SPEN: variants seen among roughly 807,000 people sequenced by gnomAD.
The protein encoded by SPEN is msx2-interacting protein.
SPEN carries 18 observed loss-of-function variants against 269.9 expected under a neutral mutation model. That is an observed-to-expected ratio of 0.07 (90% CI 0.05 to 0.10). SPEN has a LOEUF of 0.10. Ranked by LOEUF, SPEN falls within the 10% of genes least tolerant of loss-of-function variation. The pLI is 1.00. For missense variants in SPEN, 3,822 were observed against 4,631.2 expected (o/e 0.83, Z 5.07); for synonymous variants, 1,726 against 1,765.7 (o/e 0.98, Z 0.56).
chr1:15,934,167 G>C lies in SPEN; in HGVS notation c.7927G>C (p.Ala2643Pro). The C allele has an allele frequency of 6.2e-7, 1 of 1,614,220 alleles. No homozygotes were observed. Among genetic ancestry groups the C allele is most frequent in the Non-Finnish European group, 8.5e-7 (1 of 1,180,042 alleles). ...ACAGAAGATAACCTTGGCAAAACCA[G>C]CTCCTCAAACCCTCACTGGTCTGGT... ...NSQKITLAKP[A>P]PQTLTGLVSA... The change falls in exon 11 of 15, where the codon GCT becomes CCT. Residue 2643 changes from alanine to proline, a missense_variant. By Grantham distance (27) the Ala-to-Pro change is conservative. Around this residue, in one of 16 missense-constraint regions of SPEN, gnomAD observed 329 missense variants for 431.2 expected, o/e 0.76. Coordinates refer to ENST00000375759, the MANE Select transcript of SPEN (RefSeq NM_015001.3). This position sits in a 1 kb window ranked among gnomAD's most constrained non-coding sequence, Gnocchi z 9.2.
chr1:15,847,922 G>A lies in SPEN; in HGVS notation c.-146G>A, dbSNP rs2070288748. 5.9e-6 allele frequency: 2 copies of A among 339,282 alleles called. No homozygotes were observed. Among genetic ancestry groups the A allele is most frequent in the Non-Finnish European group, 5.3e-6 (1 of 188,490 alleles). The allele number at this position is 339,282 out of a possible 1,614,324, so 21.0% of individuals were successfully genotyped here. A position where few individuals can be genotyped will look rare whatever the true frequency, so the allele number is the denominator to read the frequency against. Reference sequence around the variant, plus strand: ...GAGAGGGATGGTCTCTGCACGGGGGGGAGCCGGAGGAGCCGCCGCCGCTGC... The same window carrying A: ...GAGAGGGATGGTCTCTGCACGGGGGAGAGCCGGAGGAGCCGCCGCCGCTGC... On this transcript the variant is annotated 5_prime_UTR_variant, in exon 1 of 15. Coordinates refer to ENST00000375759, the MANE Select transcript of SPEN (RefSeq NM_015001.3).
rs144493499 is a variant in SPEN, at chr1:15,932,713, C to T, written c.6473C>T (p.Pro2158Leu). 128 of 1,614,112 alleles carry T rather than the reference C, an allele frequency of 7.9e-5. No homozygotes were observed. Among genetic ancestry groups the T allele is most frequent in the Non-Finnish European group, 1.0e-4 (118 of 1,180,026 alleles). Residue 2158 changes from proline to leucine, a missense_variant, in exon 11 of 15, where the codon CCG becomes CTG. By Grantham distance (98) the Pro-to-Leu change is moderately conservative. This residue lies in a region of SPEN where 727 missense variants were observed against 737.9 expected (regional missense o/e 0.99). Transcript: ENST00000375759. This position sits in a 1 kb window ranked among gnomAD's most constrained non-coding sequence, Gnocchi z 4.2. ...AAAGAAGACGTGTCTGCCTCTGGGC[C>T]GTCCCCAGAAGCCACCCAGTTAGCC... ...PEKEDVSASG[P>L]SPEATQLAKQ...
intron 2 of SPEN, 163 bp downstream of exon 2, chr1:15,873,299 T>G: frequency 1.0e-6 from 1 of 985,436 alleles, no homozygotes; most frequent in Admixed American, 6.1e-5. Flanking sequence ...GGCTGGTATC[T>G]TATGGAATCG....
intron 1 of SPEN, among the ~76,000 whole-genome samples, chr1:15,865,017 G>C (rs1188528373): frequency 6.6e-6 from 1 of 151,856 alleles, no homozygotes; most frequent in Non-Finnish European, 1.5e-5. Flanking sequence ...AAGATTTTGA[G>C]TGAAATTGAG....
chr1:15,883,525 A>G (rs988179118), intron 3 of SPEN, among the ~76,000 whole-genome samples: 1 of 150,122 alleles, frequency 6.7e-6, no homozygotes, highest in African/African-American at 2.4e-5. Context: ...GGGTGGAGCA[A>G]CTCTCACGCC....
At position 15,939,511 on chromosome 1, in the gene SPEN, A is replaced by T. The variant is rs2071315135; in HGVS notation, c.*84A>T. The stretch of plus-strand genomic sequence containing the variant: ...GACAACCCAGCCAAGCAGAGGAAGA[A>T]GCTGCCGAAGGGGACAGACTCCACT... On this transcript the variant is annotated 3_prime_UTR_variant, in exon 15 of 15. Coordinates refer to ENST00000375759, the MANE Select transcript of SPEN (RefSeq NM_015001.3). This position sits in a 1 kb window ranked among gnomAD's most constrained non-coding sequence, Gnocchi z 4.1. 3.5e-6 allele frequency: 5 copies of T among 1,438,892 alleles called. No individual in the cohort carries two copies. The highest frequency in any genetic ancestry group is 2.7e-5 in the East Asian group (1 of 37,378). The allele number at this position is 1,438,892 out of a possible 1,614,324, so 89.1% of individuals were successfully genotyped here. A position where few individuals can be genotyped will look rare whatever the true frequency, so the allele number is the denominator to read the frequency against.
At position 15,933,111 on chromosome 1, in the gene SPEN, C is replaced by T; in HGVS notation, c.6871C>T (p.Pro2291Ser). Residue 2291 changes from proline (P) to serine (S), a missense_variant, in exon 11 of 15, where the codon CCC becomes TCC. Around this residue, in one of 16 missense-constraint regions of SPEN, gnomAD observed 727 missense variants for 737.9 expected, o/e 0.99. Coordinates refer to ENST00000375759, the MANE Select transcript of SPEN (RefSeq NM_015001.3). The surrounding 1 kb of genome is among the most constrained non-coding windows in gnomAD (Gnocchi z 5.7). ...TAGGCCTCCAGTCAATGCTCCTGACCCCTCAGCCGGCCCAACAGATACCAA... is the reference window on the plus strand; with the variant it reads ...TAGGCCTCCAGTCAATGCTCCTGACTCCTCAGCCGGCCCAACAGATACCAA... ...SSRPPVNAPD[P>S]SAGPTDTKEA... The T allele has an allele frequency of 6.2e-7, 1 of 1,614,122 alleles. No homozygotes were observed. Among genetic ancestry groups the T allele is most frequent in the Non-Finnish European group, 8.5e-7 (1 of 1,180,024 alleles).
At chr1:15,857,926 G>A (rs2070403493) in intron 1 of SPEN, among the ~76,000 whole-genome samples, 1 of 151,920 alleles carries the variant, frequency 6.6e-6, no homozygotes, top group South Asian at 2.1e-4. Context: ...TCAGGAGATC[G>A]AGACCATCCT....
Position 15,930,991 on chromosome 1 carries a change from A to G in SPEN, c.4751A>G (p.His1584Arg). Residue 1584 changes from histidine (H) to arginine (R), a missense_variant, in exon 11 of 15, where the codon CAT (histidine) becomes CGT (arginine). Coordinates refer to ENST00000375759, the MANE Select transcript of SPEN (RefSeq NM_015001.3). The surrounding 1 kb of genome is among the most constrained non-coding windows in gnomAD (Gnocchi z 5.3). ...DSIQEPVVLFHSRFMELTRMQ... is the reference protein window; with the variant it reads ...DSIQEPVVLFRSRFMELTRMQ... ...ATTCAAGAACCAGTAGTTCTGTTCC[A>G]TAGCAGATTTATGGAGCTCACACGG... 1 of 1,614,172 alleles carries G rather than the reference A, an allele frequency of 6.2e-7. No individual in the cohort carries two copies. The highest frequency in any genetic ancestry group is 2.2e-5 in the East Asian group (1 of 44,884).
chr1:15,918,627 TAA>T lies in SPEN; in HGVS notation c.1396-298_1396-297del, dbSNP rs574002157. ...TAGCCTGCCTTTTCTTTATTATCGT[TAA>T]GTTTCTCTTAATGCTGTTAGTATGG... On this transcript the variant is annotated intron_variant, in intron 6 of 14. Transcript: ENST00000375759. Among the ~76,000 whole-genome samples, 73 of 152,370 alleles carry T rather than the reference TAA, an allele frequency of 4.8e-4. 1 individual carries two copies. The East Asian group carries it at 0.014, about 29-fold the overall frequency.
intron 2 of SPEN, among the ~76,000 whole-genome samples, chr1:15,874,787 ACT>A (rs2070614877): frequency 6.6e-6 from 1 of 152,186 alleles, no homozygotes; most frequent in Non-Finnish European, 1.5e-5. Context: ...TAAAAGAGAA[ACT>A]CATTTAATAC....
intron 3 of SPEN, among the ~76,000 whole-genome samples, chr1:15,886,140 T>C (rs187452215): frequency 6.6e-6 from 1 of 152,200 alleles, no homozygotes. Context: ...TTGTTTTAGA[T>C]GTGTAGGTGT....
intron 10 of SPEN, among the ~76,000 whole-genome samples, chr1:15,924,987 T>C (rs2071152746): frequency 6.6e-6 from 1 of 152,200 alleles, no homozygotes. Flanking sequence ...TTCCATAGAA[T>C]GGAAGTTATC....
At chr1:15,874,924 A>G (rs1330316093) in intron 2 of SPEN, among the ~76,000 whole-genome samples, 2 of 152,200 alleles carry the variant, frequency 1.3e-5, no homozygotes, top group Non-Finnish European at 2.9e-5. Context: ...TGAAAAGAAT[A>G]TTAGTGGAGA....
At chr1:15,890,240 CATT>C (rs1418300521) in intron 3 of SPEN, among the ~76,000 whole-genome samples, 14 of 152,224 alleles carry the variant, frequency 9.2e-5, no homozygotes, top group African/African-American at 3.1e-4. Flanking sequence ...GGTGGGAACA[CATT>C]ATATACAGTT....
At chr1:15,888,682 G>T (rs1414000426) in intron 3 of SPEN, among the ~76,000 whole-genome samples, 1 of 151,482 alleles carries the variant, frequency 6.6e-6, no homozygotes, top group Non-Finnish European at 1.5e-5. Flanking sequence ...GCCCAGGCTG[G>T]AGTACAATGG....
intron 3 of SPEN, among the ~76,000 whole-genome samples, chr1:15,891,363 T>C (rs970980529): frequency 1.3e-5 from 2 of 151,372 alleles, no homozygotes; most frequent in Non-Finnish European, 2.9e-5. Flanking sequence ...TTTTTTTTTT[T>C]TTTTTTGAGA....
chr1:15,909,587 C>A, intron 4 of SPEN, 106 bp downstream of exon 4: 1 of 1,199,612 alleles, frequency 8.3e-7, no homozygotes, highest in Non-Finnish European at 1.2e-6. Flanking sequence ...TAATGGAAAA[C>A]CCATTTCGAA....
chr1:15,920,958 G>A lies in SPEN; in HGVS notation c.1724G>A (p.Arg575Lys). The A allele has an allele frequency of 6.2e-7, 1 of 1,610,512 alleles. No individual in the cohort carries two copies. The highest frequency in any genetic ancestry group is 8.5e-7 in the Non-Finnish European group (1 of 1,177,688). The change falls in exon 9 of 15, where the codon AGG becomes AAG. Residue 575 changes from arginine to lysine, a missense_variant. By Grantham distance (26) the Arg-to-Lys change is conservative. This residue lies in a region of SPEN where 230 missense variants were observed against 426.1 expected (regional missense o/e 0.54). Coordinates refer to ENST00000375759, the MANE Select transcript of SPEN (RefSeq NM_015001.3). ...GCAGCTGTAAAAGAGACCAAAGGGA[G>A]GAAAATCGGTGGGAATAAAATTAAG... ...AQAAVKETKG[R>K]KIGGNKIKVD...
Sources: gnomAD v4.1 joint callset for allele counts (sites outside exome capture counted in the v4.1 genomes callset) on GRCh38, gnomAD v4.1.1 for gene constraint, gnomAD v4.1.1 regional missense constraint, Gnocchi (gnomAD v3.1) non-coding constraint, MANE v1.5 for transcripts, NCBI Gene and HGNC (gene_info 2026-07-23, HGNC 2026-07-21) for gene names.